Variants in MDGA2 observed in about 807,000 individuals in gnomAD.
The protein encoded by MDGA2 is MAM domain-containing glycosylphosphatidylinositol anchor protein 2.
A neutral mutation model predicts 117.8 loss-of-function variants in MDGA2; 40 were observed. The observed-to-expected ratio is 0.34, with a 90% CI of 0.26 to 0.44. MDGA2 has a LOEUF of 0.44. Among genes scored for constraint, MDGA2 ranks in the 20% least tolerant of loss-of-function variants. The pLI is 1.00. For synonymous variants in MDGA2, 452 were observed against 439.0 expected (o/e 1.03, Z -0.37); for missense variants, 1,123 against 1,250.6 (o/e 0.90, Z 1.54).
At chr14:46,868,126 C>T (rs371146906) in intron 14 of MDGA2, among the ~76,000 whole-genome samples, 1 of 151,750 alleles carries the variant, frequency 6.6e-6, no homozygotes, top group East Asian at 1.9e-4. Context: ...TTACTGCTCT[C>T]AAGGAGTTTA....
chr14:47,434,173 T>G (rs1892853378), intron 1 of MDGA2, among the ~76,000 whole-genome samples: 1 of 152,082 alleles, frequency 6.6e-6, no homozygotes, highest in African/African-American at 2.4e-5. Context: ...ATTGAATAGG[T>G]GCCCTTTTTT....
intron 1 of MDGA2, among the ~76,000 whole-genome samples, chr14:47,613,318 C>T (rs765617609): frequency 1.3e-5 from 2 of 152,090 alleles, no homozygotes; most frequent in Non-Finnish European, 2.9e-5. Flanking sequence ...AATTCTACAT[C>T]TGAACACATT....
At chr14:47,242,644 C>A (rs549516410) in intron 2 of MDGA2, among the ~76,000 whole-genome samples, 1 of 151,766 alleles carries the variant, frequency 6.6e-6, no homozygotes, top group Non-Finnish European at 1.5e-5. Flanking sequence ...ACCAGCGCTG[C>A]GCTCGATTTC....
At position 47,008,169 on chromosome 14, in the gene MDGA2, T is replaced by C. The variant is rs543879006; in HGVS notation, c.1819+26842A>G. Among the ~76,000 whole-genome samples the C allele has an allele frequency of 9.2e-5, 14 of 152,052 alleles. No homozygotes were observed. In the South Asian group the frequency reaches 1.4e-3, roughly 16 times the overall value. Reference sequence around the variant, plus strand: ...TAAATTATGTGGACCAGGGGACCTATGTTTTAGAAATGTGTATGTTAGAGA... The same window carrying C: ...TAAATTATGTGGACCAGGGGACCTACGTTTTAGAAATGTGTATGTTAGAGA... On this transcript the variant is annotated intron_variant, in intron 8 of 16. Coordinates refer to ENST00000399232, the MANE Select transcript of MDGA2 (RefSeq NM_001113498.3).
At chr14:47,519,358 T>A (rs746031063) in intron 1 of MDGA2, among the ~76,000 whole-genome samples, 8 of 152,190 alleles carry the variant, frequency 5.3e-5, no homozygotes, top group Non-Finnish European at 1.2e-4. Flanking sequence ...GTTCTCTTCA[T>A]AGGATGGAAG....
intron 1 of MDGA2, among the ~76,000 whole-genome samples, chr14:47,302,141 C>T (rs1889305679): frequency 1.3e-5 from 2 of 152,138 alleles, no homozygotes; most frequent in South Asian, 2.1e-4. Context: ...ATACCATTGT[C>T]GCCTGAGTCT....
intron 3 of MDGA2, among the ~76,000 whole-genome samples, chr14:47,186,090 A>C (rs899473146): frequency 6.6e-6 from 1 of 151,648 alleles, no homozygotes; most frequent in Non-Finnish European, 1.5e-5. Flanking sequence ...TTCCATAAAA[A>C]ATTCGGGGCC....
In MDGA2 at chr14:47,149,946, T is replaced by G. The variant is rs927553522; in HGVS notation, c.596-5672A>C. Among the ~76,000 whole-genome samples, 7 of 152,216 alleles carry G rather than the reference T, an allele frequency of 4.6e-5. 1 individual carries two copies. The highest frequency in any genetic ancestry group is 4.6e-4 in the Admixed American group (7 of 15,270). ...TCCTGGCTGAGGTCTATAGCTAATT[T>G]AAAGCATAATCTTTTTCCTGTCTTA... is the stretch of plus-strand genomic sequence containing the variant. On this transcript the variant is annotated intron_variant, in intron 3 of 16. Transcript: ENST00000399232.
intron 1 of MDGA2, chr14:47,626,611 G>C (rs556615283): frequency 1.3e-5 from 2 of 152,480 alleles, no homozygotes; most frequent in South Asian, 4.1e-4. Context: ...GCCAGCGCGA[G>C]TTCCGGGTGG....
intron 1 of MDGA2, among the ~76,000 whole-genome samples, chr14:47,459,650 C>G (rs1288708812): frequency 1.3e-5 from 2 of 151,692 alleles, no homozygotes; most frequent in African/African-American, 4.8e-5. Flanking sequence ...CAGTAGGAGA[C>G]AGTTGTAACA....
chr14:47,197,759 A>G (rs1885340915), intron 3 of MDGA2, among the ~76,000 whole-genome samples: 1 of 152,084 alleles, frequency 6.6e-6, no homozygotes, highest in Non-Finnish European at 1.5e-5. Context: ...AAATACAAAA[A>G]TTAGCTGGGC....
intron 1 of MDGA2, among the ~76,000 whole-genome samples, chr14:47,312,364 A>G (rs1889662581): frequency 2.0e-5 from 3 of 152,120 alleles, no homozygotes; most frequent in Admixed American, 6.6e-5. Flanking sequence ...CCTCTCCACA[A>G]GCACTTTTAC....
At chr14:47,155,658 C>T (rs1883337896) in intron 3 of MDGA2, among the ~76,000 whole-genome samples, 2 of 144,492 alleles carry the variant, frequency 1.4e-5, no homozygotes, top group African/African-American at 2.5e-5. Flanking sequence ...CAGCCCTCAC[C>T]GTTCCATGGC....
At position 47,109,259 on chromosome 14, in the gene MDGA2, T is replaced by C. The variant is rs543313764; in HGVS notation, c.926-12136A>G. On this transcript the variant is annotated intron_variant, in intron 5 of 16. Transcript: ENST00000399232. ...AATCAGCAGAGCATGAACTTTCTATTTCTTCTACCTGGAATTCTCTTCCAG... is the reference window on the plus strand; with the variant it reads ...AATCAGCAGAGCATGAACTTTCTATCTCTTCTACCTGGAATTCTCTTCCAG... Among the ~76,000 whole-genome samples the C allele has an allele frequency of 4.9e-4, 74 of 152,322 alleles. 1 individual carries two copies. In the South Asian group the frequency reaches 0.015, roughly 31 times the overall value.
At chr14:47,104,904 T>C (rs12894073) in intron 5 of MDGA2, among the ~76,000 whole-genome samples, 78,598 of 151,396 alleles carry the variant, frequency 0.52, 20,829 homozygotes, top group African/African-American at 0.64. Flanking sequence ...TCAATCTTGG[T>C]GCCACACTTC....
At chr14:46,848,733 C>T (rs1413198145) in intron 15 of MDGA2, among the ~76,000 whole-genome samples, 2 of 151,472 alleles carry the variant, frequency 1.3e-5, no homozygotes, top group South Asian at 2.1e-4. Flanking sequence ...GTCGGGAAAC[C>T]ATCTGTAGTA....
intron 10 of MDGA2, among the ~76,000 whole-genome samples, chr14:46,910,806 C>A (rs770382905): frequency 1.3e-5 from 2 of 152,092 alleles, no homozygotes; most frequent in Non-Finnish European, 2.9e-5. Flanking sequence ...AGGAATGCTA[C>A]GCAGCCATAA....
chr14:47,521,649 T>G (rs562634696), intron 1 of MDGA2, among the ~76,000 whole-genome samples: 1 of 152,234 alleles, frequency 6.6e-6, no homozygotes, highest in South Asian at 2.1e-4. Context: ...AAATTGTGAT[T>G]TTTATCTCCA....
chr14:46,885,319 A>T (rs940314186), intron 10 of MDGA2, among the ~76,000 whole-genome samples: 7 of 152,158 alleles, frequency 4.6e-5, no homozygotes, highest in Admixed American at 2.0e-4. Context: ...TTTGAAGAAG[A>T]TATTATACAC....
Sources: gnomAD v4.1 joint callset for allele counts (sites outside exome capture counted in the v4.1 genomes callset) on GRCh38, gnomAD v4.1.1 for gene constraint, MANE v1.5 for transcripts, NCBI Gene and HGNC (gene_info 2026-07-23, HGNC 2026-07-21) for gene names.